The following CCDC85A variants were observed in gnomAD, a reference collection of about 807,000 sequenced individuals.
CCDC85A encodes the protein coiled-coil domain containing 85A, also known as coiled-coil domain-containing protein 85A.
In CCDC85A, 38 loss-of-function variants were observed where a neutral mutation model predicts 50.2. The observed-to-expected ratio is 0.76, with a 90% CI of 0.58 to 0.99. The LOEUF (loss-of-function observed/expected upper bound fraction) is 0.99, where lower values mean the gene tolerates loss of function less well. Among genes scored for constraint, CCDC85A ranks in the 50% least tolerant of loss-of-function variants. The pLI, the probability that CCDC85A is intolerant of heterozygous loss-of-function variation, is 0.00. For synonymous variants in CCDC85A, 366 were observed against 301.4 expected (o/e 1.21, Z -2.22); for missense variants, 820 against 742.0 (o/e 1.11, Z -1.22).
chr2:56,304,884 A>T (rs1369159774), intron 2 of CCDC85A, among the ~76,000 whole-genome samples: 3 of 150,850 alleles, frequency 2.0e-5, no homozygotes, highest in Non-Finnish European at 2.9e-5. Context: ...CCCCATCTCT[A>T]CTAAATATAA....
chr2:56,245,514 G>C (rs1201432004), intron 2 of CCDC85A, among the ~76,000 whole-genome samples: 1 of 152,198 alleles, frequency 6.6e-6, no homozygotes, highest in Non-Finnish European at 1.5e-5. Flanking sequence ...ACCAGCTACT[G>C]TGATTGCTTC....
intron 2 of CCDC85A, among the ~76,000 whole-genome samples, chr2:56,306,090 G>A (rs941584157): frequency 1.3e-5 from 2 of 152,148 alleles, no homozygotes; most frequent in Non-Finnish European, 2.9e-5. Context: ...GGCTGTGCCT[G>A]TCTCTCCTTT....
chr2:56,372,612 G>C, intron 4 of CCDC85A, 134 bp downstream of exon 4: 3 of 1,057,580 alleles, frequency 2.8e-6, no homozygotes, highest in Admixed American at 3.8e-5. Context: ...TCTAAGTCTG[G>C]GGAGGGAGGA....
At chr2:56,236,735 A>T (rs1669032035) in intron 2 of CCDC85A, among the ~76,000 whole-genome samples, 1 of 152,132 alleles carries the variant, frequency 6.6e-6, no homozygotes, top group South Asian at 2.1e-4. Flanking sequence ...GAGAATCCAG[A>T]TCTCCTGCAT....
At chr2:56,347,290 T>G (rs1674676862) in intron 3 of CCDC85A, among the ~76,000 whole-genome samples, 1 of 152,216 alleles carries the variant, frequency 6.6e-6, no homozygotes, top group Non-Finnish European at 1.5e-5. Flanking sequence ...AAGGCCGGGC[T>G]TCATAAAATG....
At chr2:56,367,212 C>T (rs1307927867) in intron 3 of CCDC85A, among the ~76,000 whole-genome samples, 2 of 152,160 alleles carry the variant, frequency 1.3e-5, no homozygotes, top group African/African-American at 4.8e-5. Flanking sequence ...TGGACCACTG[C>T]CCTGTGCCTG....
chr2:56,184,098 CGGCGTCGCTAGAGCAGCCGGGGA>C lies in CCDC85A; in HGVS notation c.-522_-500del. 3 of 985,374 alleles carry C rather than the reference CGGCGTCGCTAGAGCAGCCGGGGA, an allele frequency of 3.0e-6. No homozygotes were observed. The highest frequency in any genetic ancestry group is 3.6e-6 in the Non-Finnish European group (3 of 830,054). The allele number at this position is 985,374 out of a possible 1,614,324, so 61.0% of individuals were successfully genotyped here. ...CGCAGCAGCCTTCGGGCAGCCGCGG[CGGCGTCGCTAGAGCAGCCGGGGA>C]GGCGCCGCGGTGCCCGGCGCGCCCT... On this transcript the variant is annotated 5_prime_UTR_variant, in exon 1 of 6. Transcript: ENST00000407595.
At chr2:56,237,165 A>C (rs930788772) in intron 2 of CCDC85A, among the ~76,000 whole-genome samples, 1 of 152,180 alleles carries the variant, frequency 6.6e-6, no homozygotes, top group Non-Finnish European at 1.5e-5. Flanking sequence ...GGCTAACTGC[A>C]AAGCTTGCTC....
intron 2 of CCDC85A, among the ~76,000 whole-genome samples, chr2:56,243,239 T>C (rs1428791919): frequency 6.6e-6 from 1 of 152,208 alleles, no homozygotes; most frequent in Non-Finnish European, 1.5e-5. Flanking sequence ...TGTTTCTTTC[T>C]GTACCTCCTC....
At chr2:56,212,618 A>G (rs1006140593) in intron 2 of CCDC85A, among the ~76,000 whole-genome samples, 5 of 152,054 alleles carry the variant, frequency 3.3e-5, no homozygotes, top group South Asian at 4.1e-4. Context: ...GTATTTCAAA[A>G]GTAGAAAGTC....
intron 2 of CCDC85A, among the ~76,000 whole-genome samples, chr2:56,223,967 G>C (rs1316683096): frequency 6.6e-6 from 1 of 152,046 alleles, no homozygotes; most frequent in Non-Finnish European, 1.5e-5. Context: ...TTAAGATACA[G>C]TTCACATATC....
At chr2:56,333,114 A>C (rs753788788) in intron 2 of CCDC85A, among the ~76,000 whole-genome samples, 8 of 152,212 alleles carry the variant, frequency 5.3e-5, no homozygotes, top group Non-Finnish European at 1.0e-4. Context: ...TGAACAAGCT[A>C]ATGTATATGG....
chr2:56,288,603 C>T (rs530219734), intron 2 of CCDC85A, among the ~76,000 whole-genome samples: 1 of 151,912 alleles, frequency 6.6e-6, no homozygotes, highest in Non-Finnish European at 1.5e-5. Flanking sequence ...ATGACATTTC[C>T]AGAACCGAGT....
chr2:56,297,105 T>C (rs1324921176), intron 2 of CCDC85A, among the ~76,000 whole-genome samples: 1 of 152,144 alleles, frequency 6.6e-6, no homozygotes, highest in African/African-American at 2.4e-5. Flanking sequence ...GTGCTCTCAG[T>C]GGGATTTACT....
At chr2:56,195,661 A>G (rs922845395) in intron 2 of CCDC85A, among the ~76,000 whole-genome samples, 4 of 152,150 alleles carry the variant, frequency 2.6e-5, no homozygotes, top group Non-Finnish European at 5.9e-5. Flanking sequence ...GCTTTTTCAT[A>G]TTTTTAAATC....
intron 2 of CCDC85A, among the ~76,000 whole-genome samples, chr2:56,319,014 G>C (rs1178578797): frequency 2.0e-5 from 3 of 152,110 alleles, no homozygotes; most frequent in Non-Finnish European, 4.4e-5. Flanking sequence ...CCGTCATGAT[G>C]CTGGAGCAGG....
In CCDC85A at chr2:56,193,304, G is replaced by C. The variant is rs1676386798; in HGVS notation, c.1104G>C (p.Gly368=). ...SPEHLKQHYG[G]SPDHKHGGGS... is the part of the protein sequence containing the mutation. ...AGCACCTCAAACAACATTATGGAGGGAGCCCTGATCACAAACACGGAGGAG... is the reference window on the plus strand; with the variant it reads ...AGCACCTCAAACAACATTATGGAGGCAGCCCTGATCACAAACACGGAGGAG... Residue 368 remains glycine, a synonymous_variant, in exon 2 of 6, where the codon GGG becomes GGC. Coordinates refer to ENST00000407595, the MANE Select transcript of CCDC85A (RefSeq NM_001080433.2). The C allele has an allele frequency of 6.2e-7, 1 of 1,613,638 alleles. No homozygotes were observed. The highest frequency in any genetic ancestry group is 1.1e-5 in the South Asian group (1 of 91,042).
intron 2 of CCDC85A, among the ~76,000 whole-genome samples, chr2:56,252,642 A>G (rs1361455427): frequency 6.6e-6 from 1 of 152,026 alleles, no homozygotes. Flanking sequence ...TGCTGCACCC[A>G]TCAACCCGTC....
At chr2:56,348,193 T>C (rs1224221198) in intron 3 of CCDC85A, among the ~76,000 whole-genome samples, 1 of 152,204 alleles carries the variant, frequency 6.6e-6, no homozygotes, top group African/African-American at 2.4e-5. Context: ...TTTGTTCTTT[T>C]TGATCAAATG....
Sources: allele counts gnomAD v4.1 joint callset (sites outside exome capture counted in the v4.1 genomes callset), GRCh38; gene constraint gnomAD v4.1.1; transcripts MANE v1.5; gene names NCBI Gene and HGNC (gene_info 2026-07-23, HGNC 2026-07-21).